Variants in ACAD11 observed in about 807,000 individuals in gnomAD.
ACAD11 encodes acyl-CoA dehydrogenase family member 11, also known as acyl-Coenzyme A dehydrogenase family, member 11.
ACAD11 carries 83 observed loss-of-function variants against 102.2 expected under a neutral mutation model. That is an observed-to-expected ratio of 0.81 (90% CI 0.68 to 0.97). The LOEUF (loss-of-function observed/expected upper bound fraction) is 0.97. Among genes scored for constraint, ACAD11 ranks in the 50% least tolerant of loss-of-function variants. The pLI is 0.00. For missense variants in ACAD11, 901 were observed against 951.7 expected, an observed-to-expected ratio of 0.95 and a Z score of 0.70; for synonymous variants, 324 against 319.8, an observed-to-expected ratio of 1.01 and a Z score of -0.14.
intron 13 of ACAD11, among the ~76,000 whole-genome samples, chr3:132,590,811 G>A (rs559794448): frequency 6.6e-6 from 1 of 152,224 alleles, no homozygotes; most frequent in Non-Finnish European, 1.5e-5. Context: ...ATCTTCCTTT[G>A]AAAAGTTTCT....
intron 13 of ACAD11, chr3:132,600,425 G>A (rs761684366): frequency 3.7e-6 from 6 of 1,604,446 alleles, no homozygotes; most frequent in Non-Finnish European, 5.1e-6. Flanking sequence ...CCAGTCAACA[G>A]ATTATTATTA....
intron 13 of ACAD11, among the ~76,000 whole-genome samples, chr3:132,587,204 A>G (rs1170233558): frequency 2.0e-5 from 3 of 152,244 alleles, no homozygotes; most frequent in African/African-American, 7.2e-5. Flanking sequence ...AAAAATAATT[A>G]GCAGTTTTAG....
chr3:132,625,004 C>A (rs1414580366), intron 9 of ACAD11, among the ~76,000 whole-genome samples: 1 of 152,132 alleles, frequency 6.6e-6, no homozygotes, highest in Non-Finnish European at 1.5e-5. Flanking sequence ...TTTTGGAGTG[C>A]TGTTGCAGCC....
At chr3:132,638,474 G>A (rs1407546640) in intron 5 of ACAD11, among the ~76,000 whole-genome samples, 5 of 152,150 alleles carry the variant, frequency 3.3e-5, no homozygotes, top group African/African-American at 7.2e-5. Flanking sequence ...ATAAATTTAT[G>A]AGATGGAAAT....
intron 3 of ACAD11, 126 bp downstream of exon 3, chr3:132,642,551 T>G: frequency 9.2e-7 from 1 of 1,091,194 alleles, no homozygotes; most frequent in Non-Finnish European, 1.3e-6. Flanking sequence ...ACCTTTGCAA[T>G]GCAATCTAAT....
intron 17 of ACAD11, among the ~76,000 whole-genome samples, chr3:132,569,463 C>T (rs1457422961): frequency 5.3e-5 from 8 of 152,134 alleles, no homozygotes; most frequent in African/African-American, 1.2e-4. Context: ...TAATTGCACT[C>T]GTGGGCATTT....
intron 1 of ACAD11, among the ~76,000 whole-genome samples, chr3:132,654,969 C>T (rs964883077): frequency 1.3e-5 from 2 of 152,178 alleles, no homozygotes; most frequent in Non-Finnish European, 2.9e-5. Context: ...ACCTGTGCAG[C>T]ATGTGACTGT....
rs547498798 is a variant in ACAD11 at position 132,593,276 on chromosome 3, A to G, written c.1621+9953T>C. 7.9e-4 allele frequency among the ~76,000 whole-genome samples: 120 copies of G among 152,294 alleles called. 1 individual carries two copies. Among genetic ancestry groups the G allele is most frequent in the Non-Finnish European group, 1.4e-3 (96 of 68,028 alleles). ...AAATGTATGCAATACTTAGCTCCCT[A>G]AATTATAAAGAACACCTAAAAATCA... On this transcript the variant is annotated intron_variant, in intron 13 of 19. Transcript: ENST00000264990.
At chr3:132,562,363 A>G (rs754849289) in intron 17 of ACAD11, among the ~76,000 whole-genome samples, 3 of 152,192 alleles carry the variant, frequency 2.0e-5, no homozygotes, top group Non-Finnish European at 2.9e-5. Flanking sequence ...TCGGCCTCCC[A>G]AAGTGCTGGG....
chr3:132,561,245 A>G lies in ACAD11; in HGVS notation c.2002-28T>C, dbSNP rs1035586878. 9.6e-6 allele frequency: 15 copies of G among 1,560,020 alleles called. 1 individual carries two copies. Among genetic ancestry groups the G allele is most frequent in the Non-Finnish European group, 1.1e-5 (13 of 1,131,748 alleles). Reference sequence around the variant, plus strand: ...ATAGGGGAGGAAAAGGCAGCAAAAGAAGGAGGAGCTAAGCTGGTATCTGAT... The same window carrying G: ...ATAGGGGAGGAAAAGGCAGCAAAAGGAGGAGGAGCTAAGCTGGTATCTGAT... On this transcript the variant is annotated intron_variant, in intron 17 of 19. Transcript: ENST00000264990.
intron 13 of ACAD11, among the ~76,000 whole-genome samples, chr3:132,587,245 A>C (rs1408606959): frequency 1.3e-5 from 2 of 152,124 alleles, no homozygotes; most frequent in African/African-American, 4.8e-5. Context: ...TTCAAATGCA[A>C]ATCTCTCCCT....
intron 17 of ACAD11, among the ~76,000 whole-genome samples, chr3:132,573,877 T>A (rs554988498): frequency 6.6e-6 from 1 of 152,340 alleles, no homozygotes; most frequent in Admixed American, 6.5e-5. Flanking sequence ...AGAAGGCAGC[T>A]GGAAGGAGCC....
intron 5 of ACAD11, among the ~76,000 whole-genome samples, chr3:132,632,320 C>T (rs138407696): frequency 6.6e-6 from 1 of 152,240 alleles, no homozygotes; most frequent in East Asian, 1.9e-4. Context: ...CTCCTGACCT[C>T]ATGATCCGCC....
intron 1 of ACAD11, chr3:132,649,997 A>T (rs1940875500): frequency 6.6e-6 from 1 of 152,208 alleles, no homozygotes; most frequent in Non-Finnish European, 1.5e-5. Flanking sequence ...AAGACAAATG[A>T]CCCAGTGTTT....
rs764048090 is a variant in ACAD11, at chr3:132,639,668, T to G, written c.538-12A>C. The G allele has an allele frequency of 1.3e-6, 2 of 1,596,072 alleles. No homozygotes were observed. Among genetic ancestry groups the G allele is most frequent in the African/African-American group, 2.7e-5 (2 of 73,720 alleles). On this transcript the variant is annotated splice_polypyrimidine_tract_variant and intron_variant, in intron 4 of 19. Transcript: ENST00000264990. ...GTCCAGGTTGATACCTAAAGACATA[T>G]AAATAAGAAAAATGGTAAAGCTGAA...
chr3:132,594,706 A>G (rs564081225), intron 13 of ACAD11, among the ~76,000 whole-genome samples: 1 of 152,312 alleles, frequency 6.6e-6, no homozygotes, highest in African/African-American at 2.4e-5. Context: ...TGAATTGTAA[A>G]TAGGAGTTAG....
At chr3:132,629,337 T>C (rs1939943397) in intron 7 of ACAD11, among the ~76,000 whole-genome samples, 1 of 152,192 alleles carries the variant, frequency 6.6e-6, no homozygotes, top group South Asian at 2.1e-4. Context: ...ATTTTTTATT[T>C]TTAGTAGATA....
chr3:132,595,691 A>G (rs1938272181), intron 13 of ACAD11, among the ~76,000 whole-genome samples: 1 of 152,228 alleles, frequency 6.6e-6, no homozygotes, highest in Admixed American at 6.5e-5. Flanking sequence ...ATCATATGAA[A>G]AAAAGCTAAA....
intron 17 of ACAD11, among the ~76,000 whole-genome samples, chr3:132,564,771 G>A (rs959356217): frequency 1.3e-5 from 2 of 152,142 alleles, no homozygotes; most frequent in Non-Finnish European, 2.9e-5. Context: ...TATTCCTTCT[G>A]TTAAGTACAA....
Sources: allele counts gnomAD v4.1 joint callset (sites outside exome capture counted in the v4.1 genomes callset), GRCh38; gene constraint gnomAD v4.1.1; transcripts MANE v1.5; gene names NCBI Gene and HGNC (gene_info 2026-07-23, HGNC 2026-07-21).